The following HIKESHI variants were observed in gnomAD, a reference collection of about 807,000 sequenced individuals.
HIKESHI encodes the protein protein Hikeshi.
A neutral mutation model predicts 25.7 loss-of-function variants in HIKESHI; 13 were observed. The observed-to-expected ratio is 0.51, with a 90% CI of 0.33 to 0.80. HIKESHI has a LOEUF of 0.80. Ranked by LOEUF, HIKESHI falls within the 30% of genes least tolerant of loss-of-function variation. The pLI is 0.02. For synonymous variants in HIKESHI, 76 were observed against 78.7 expected, an observed-to-expected ratio of 0.97 and a Z score of 0.18; for missense variants, 174 against 229.5, an observed-to-expected ratio of 0.76 and a Z score of 1.56.
At chr11:86,309,081 G>A (rs1347785004) in intron 2 of HIKESHI, among the ~76,000 whole-genome samples, 1 of 152,054 alleles carries the variant, frequency 6.6e-6, no homozygotes, top group Non-Finnish European at 1.5e-5. Context: ...TTGGGTATAT[G>A]TCCAGTAATG....
At chr11:86,332,003 C>T (rs138258490) in intron 2 of HIKESHI, among the ~76,000 whole-genome samples, 7,110 of 143,260 alleles carry the variant, frequency 0.05, 489 homozygotes, top group African/African-American at 0.15. Context: ...TTTTTTGCGA[C>T]GGAGTCTTGC....
At chr11:86,344,874 A>G in intron 4 of HIKESHI, 153 bp downstream of exon 4, 1 of 522,104 alleles carries the variant, frequency 1.9e-6, no homozygotes, top group Non-Finnish European at 3.3e-6. Context: ...TAGAGATCTG[A>G]TGAGAAACAG....
intron 2 of HIKESHI, among the ~76,000 whole-genome samples, chr11:86,318,145 A>C (rs1031261437): frequency 2.0e-5 from 3 of 151,464 alleles, no homozygotes; most frequent in Non-Finnish European, 4.4e-5. Context: ...TCTACTAAAA[A>C]TACAAAAAAA....
chr11:86,312,154 G>C (rs1946852573), intron 2 of HIKESHI, among the ~76,000 whole-genome samples: 1 of 152,194 alleles, frequency 6.6e-6, no homozygotes, highest in Non-Finnish European at 1.5e-5. Context: ...AATGTTGACA[G>C]TGGGGTGTTA....
rs182344984 is a variant in HIKESHI at position 86,308,460 on chromosome 11, G to C, written c.268+1978G>C. ...AGACTTGTATAAAGCAAATAGAATA[G>C]AAGTACTTATTTTCTTCCGTTAAGA... is the stretch of plus-strand genomic sequence containing the variant. On this transcript the variant is annotated intron_variant, in intron 2 of 4. Coordinates refer to ENST00000278483, the MANE Select transcript of HIKESHI (RefSeq NM_016401.4). 5.3e-3 allele frequency among the ~76,000 whole-genome samples: 777 copies of C among 147,728 alleles called. 8 individuals are homozygous for C. The highest frequency in any genetic ancestry group is 0.018 in the African/African-American group (711 of 40,438).
intron 2 of HIKESHI, among the ~76,000 whole-genome samples, chr11:86,329,259 T>A (rs1947362343): frequency 6.6e-6 from 1 of 152,124 alleles, no homozygotes; most frequent in East Asian, 1.9e-4. Flanking sequence ...CTATTTGTTT[T>A]AAATTGGTAG....
At chr11:86,323,021 G>A (rs917345382) in intron 2 of HIKESHI, among the ~76,000 whole-genome samples, 1 of 152,064 alleles carries the variant, frequency 6.6e-6, no homozygotes, top group African/African-American at 2.4e-5. Flanking sequence ...TTGAACTCAG[G>A]AGTTCAAGAC....
intron 2 of HIKESHI, among the ~76,000 whole-genome samples, chr11:86,308,126 T>C (rs1456470788): frequency 2.9e-4 from 17 of 58,484 alleles, no homozygotes; most frequent in Non-Finnish European, 5.3e-4. Context: ...CAGTATACTA[T>C]GTATTACATG....
chr11:86,312,610 GC>G (rs1946863191), intron 2 of HIKESHI, among the ~76,000 whole-genome samples: 1 of 152,152 alleles, frequency 6.6e-6, no homozygotes, highest in Non-Finnish European at 1.5e-5. Flanking sequence ...TATGATGTTA[GC>G]TGGTTATTTT....
At chr11:86,311,684 C>T (rs1593815891) in intron 2 of HIKESHI, among the ~76,000 whole-genome samples, 1 of 152,096 alleles carries the variant, frequency 6.6e-6, no homozygotes, top group Non-Finnish European at 1.5e-5. Flanking sequence ...CCTGCTTTCT[C>T]TTGTGGGCAT....
At chr11:86,343,272 A>G (rs1179035138) in intron 3 of HIKESHI, among the ~76,000 whole-genome samples, 1 of 151,438 alleles carries the variant, frequency 6.6e-6, no homozygotes, top group Non-Finnish European at 1.5e-5. Flanking sequence ...AGTTACACTT[A>G]AAAATTATTG....
At chr11:86,326,551 T>TG (rs1947287332) in intron 2 of HIKESHI, 1 of 456,132 alleles carries the variant, frequency 2.2e-6, no homozygotes, top group Non-Finnish European at 4.4e-6. Context: ...ACTTTCAACA[T>TG]CTGCATGTGT....
At chr11:86,318,225 A>AC (rs1197866350) in intron 2 of HIKESHI, among the ~76,000 whole-genome samples, 1 of 142,056 alleles carries the variant, frequency 7.0e-6, no homozygotes, top group African/African-American at 2.6e-5. Context: ...AATGGCGTGA[A>AC]CCCGGGAGAC....
At chr11:86,327,744 C>CTTTA (rs1947320247) in intron 2 of HIKESHI, among the ~76,000 whole-genome samples, 1 of 152,186 alleles carries the variant, frequency 6.6e-6, no homozygotes, top group South Asian at 2.1e-4. Flanking sequence ...CAATACTGTA[C>CTTTA]TTTAATTCCC....
At chr11:86,333,557 C>CA (rs111979847) in intron 2 of HIKESHI, among the ~76,000 whole-genome samples, 94,863 of 144,458 alleles carry the variant, frequency 0.66, 30,809 homozygotes, top group East Asian at 0.82. Flanking sequence ...AACAAACAAA[C>CA]AAAAAAAAAA....
At chr11:86,314,631 AAAAG>A (rs778683117) in intron 2 of HIKESHI, among the ~76,000 whole-genome samples, 1 of 152,272 alleles carries the variant, frequency 6.6e-6, no homozygotes, top group Non-Finnish European at 1.5e-5. Flanking sequence ...AAAAGGAAAA[AAAAG>A]AAAGAAAGAA....
rs1407319704 is a variant in HIKESHI, at chr11:86,323,551, TC to T, written c.269-13823del. ...TACCAATCAAATTGTCAATTTAATTTCCCCCATCTTTGCCTGTTCTTGCCAC... is the reference window on the plus strand; with the variant it reads ...TACCAATCAAATTGTCAATTTAATTTCCCCATCTTTGCCTGTTCTTGCCAC... On this transcript the variant is annotated intron_variant, in intron 2 of 4. Coordinates refer to ENST00000278483, the MANE Select transcript of HIKESHI (RefSeq NM_016401.4). 2.0e-5 allele frequency among the ~76,000 whole-genome samples: 3 copies of T among 152,308 alleles called. No homozygotes were observed. The East Asian group carries it at 5.8e-4, about 29-fold the overall frequency.
At position 86,306,394 on chromosome 11, in the gene HIKESHI, T is replaced by A. The variant is rs779290255; in HGVS notation, c.180T>A (p.Asp60Glu). 6.2e-7 allele frequency: 1 copy of A among 1,614,090 alleles called. No individual in the cohort carries two copies. The highest frequency in any genetic ancestry group is 1.1e-5 in the South Asian group (1 of 91,080). Reference protein sequence around the residue: ...MGGSVYFSYPDSNGMPVWQLL... With the variant: ...MGGSVYFSYPESNGMPVWQLL... ...GATCTGTCTACTTTTCTTATCCTGA[T>A]TCAAATGGAATGCCAGTATGGCAAC... The change falls in exon 2 of 5, where the codon GAT becomes GAA. Residue 60 changes from aspartate (D) to glutamate (E), a missense_variant. Physicochemically the swap from Asp to Glu is conservative, Grantham distance 45. Coordinates refer to ENST00000278483, the MANE Select transcript of HIKESHI (RefSeq NM_016401.4).
intron 2 of HIKESHI, among the ~76,000 whole-genome samples, chr11:86,320,567 ACT>A (rs1015735069): frequency 6.6e-6 from 1 of 152,086 alleles, no homozygotes; most frequent in Non-Finnish European, 1.5e-5. Context: ...CAACAGTGAA[ACT>A]CTGTCTCAAA....
Sources: gnomAD v4.1 joint callset for allele counts (sites outside exome capture counted in the v4.1 genomes callset) on GRCh38, gnomAD v4.1.1 for gene constraint, MANE v1.5 for transcripts, NCBI Gene and HGNC (gene_info 2026-07-23, HGNC 2026-07-21) for gene names.